The following MCF2L2 variants were observed in gnomAD, a reference collection of about 807,000 sequenced individuals.
MCF2L2 encodes MCF.2 cell line derived transforming sequence-like 2.
Under a neutral mutation model 150.2 loss-of-function variants are expected in MCF2L2, and 102 were observed. The observed-to-expected ratio is 0.68, with a 90% CI of 0.58 to 0.80. The LOEUF is 0.80. Ranked by LOEUF, MCF2L2 falls within the 30% of genes least tolerant of loss-of-function variation. MCF2L2 has a pLI of 0.00. For synonymous variants in MCF2L2, 465 were observed against 491.3 expected, an observed-to-expected ratio of 0.95 and a Z score of 0.71; for missense variants, 1,256 against 1,372.8, an observed-to-expected ratio of 0.91 and a Z score of 1.34.
At chr3:183,232,123 A>G (rs961633105) in intron 15 of MCF2L2, among the ~76,000 whole-genome samples, 20 of 152,132 alleles carry the variant, frequency 1.3e-4, no homozygotes, top group African/African-American at 4.6e-4. Context: ...ATTCAACACA[A>G]AGGAGATTCC....
chr3:183,306,877 A>C (rs1489745089), intron 10 of MCF2L2, among the ~76,000 whole-genome samples: 1 of 152,090 alleles, frequency 6.6e-6, no homozygotes, highest in Non-Finnish European at 1.5e-5. Flanking sequence ...TGGTTCCTCC[A>C]CCCTGTCCTG....
At chr3:183,324,662 A>G (rs1408691423) in intron 5 of MCF2L2, among the ~76,000 whole-genome samples, 1 of 151,984 alleles carries the variant, frequency 6.6e-6, no homozygotes, top group Non-Finnish European at 1.5e-5. Flanking sequence ...GGGCCCAGGA[A>G]TTTGAGGCTC....
At chr3:183,269,563 C>T (rs1726539490) in intron 15 of MCF2L2, 5 of 439,330 alleles carry the variant, frequency 1.1e-5, no homozygotes, top group South Asian at 1.1e-4. Flanking sequence ...GAAGGATGCC[C>T]GTGTGGAAGA....
At chr3:183,385,363 C>T (rs552546275) in intron 2 of MCF2L2, among the ~76,000 whole-genome samples, 2 of 152,254 alleles carry the variant, frequency 1.3e-5, no homozygotes, top group South Asian at 2.1e-4. Context: ...GTTGGGGCTC[C>T]GATCTCTTCC....
intron 3 of MCF2L2, chr3:183,376,968 A>G (rs1713222455): frequency 6.6e-6 from 1 of 152,198 alleles, no homozygotes; most frequent in South Asian, 2.1e-4. Flanking sequence ...TCAAAGTGAT[A>G]TTCTTGTACC....
chr3:183,245,058 A>C (rs566260915), intron 15 of MCF2L2, among the ~76,000 whole-genome samples: 3 of 152,254 alleles, frequency 2.0e-5, no homozygotes, highest in Admixed American at 6.5e-5. Context: ...GGGCTGGATT[A>C]GATAAACTTG....
At chr3:183,370,989 G>A (rs1037435056) in intron 3 of MCF2L2, among the ~76,000 whole-genome samples, 2 of 152,124 alleles carry the variant, frequency 1.3e-5, no homozygotes, top group South Asian at 2.1e-4. Context: ...ACTCGTGACT[G>A]TACACTCTGG....
At chr3:183,311,181 C>T (rs1331168964) in intron 8 of MCF2L2, 152 bp from the exon 9 acceptor site, 13 of 595,892 alleles carry the variant, frequency 2.2e-5, no homozygotes, top group Non-Finnish European at 3.9e-5. Flanking sequence ...CTATGCCTTT[C>T]TTCTGGCTCA....
At chr3:183,399,196 T>A (rs1714615914) in intron 1 of MCF2L2, among the ~76,000 whole-genome samples, 1 of 152,148 alleles carries the variant, frequency 6.6e-6, no homozygotes, top group Non-Finnish European at 1.5e-5. Flanking sequence ...AGAATATAAT[T>A]TATGCATTAT....
At chr3:183,341,685 T>C in intron 3 of MCF2L2, 55 bp from the exon 4 acceptor site, 1 of 1,241,766 alleles carries the variant, frequency 8.1e-7, no homozygotes, top group Non-Finnish European at 1.2e-6. Flanking sequence ...ATGCTCCATG[T>C]GGCTCCCACA....
At chr3:183,362,911 G>A (rs1170515578) in intron 3 of MCF2L2, among the ~76,000 whole-genome samples, 2 of 152,124 alleles carry the variant, frequency 1.3e-5, no homozygotes. Context: ...ATAAAGAAAT[G>A]TTATCTAAAA....
At chr3:183,364,766 T>C (rs1342813860) in intron 3 of MCF2L2, among the ~76,000 whole-genome samples, 4 of 152,120 alleles carry the variant, frequency 2.6e-5, no homozygotes, top group African/African-American at 9.7e-5. Context: ...CACATCCCTA[T>C]GCAAAAAAAT....
chr3:183,205,160 C>G (rs1560339988), intron 25 of MCF2L2, among the ~76,000 whole-genome samples: 1 of 152,190 alleles, frequency 6.6e-6, no homozygotes, highest in Non-Finnish European at 1.5e-5. Flanking sequence ...GCAGGCAGAT[C>G]ATAAGGTCAG....
At chr3:183,317,333 T>G (rs1294102601) in intron 7 of MCF2L2, among the ~76,000 whole-genome samples, 1 of 152,130 alleles carries the variant, frequency 6.6e-6, no homozygotes. Flanking sequence ...AAAACTGGGC[T>G]TCTGTGAAAT....
intron 1 of MCF2L2, among the ~76,000 whole-genome samples, chr3:183,415,569 A>G (rs908044891): frequency 1.3e-5 from 2 of 152,106 alleles, no homozygotes; most frequent in African/African-American, 4.8e-5. Context: ...AGGCGTTTGT[A>G]ATTATTATAT....
intron 1 of MCF2L2, among the ~76,000 whole-genome samples, chr3:183,427,035 C>T (rs1321026095): frequency 6.6e-6 from 1 of 152,200 alleles, no homozygotes; most frequent in Non-Finnish European, 1.5e-5. Flanking sequence ...TCAATAAAAG[C>T]TGATTTGCAT....
intron 3 of MCF2L2, among the ~76,000 whole-genome samples, chr3:183,361,389 G>A (rs921826279): frequency 4.6e-5 from 7 of 152,178 alleles, no homozygotes; most frequent in Non-Finnish European, 8.8e-5. Context: ...AATCCCCAAT[G>A]TTGAGAGAGG....
Position 183,197,954 on chromosome 3 carries a change from A to ACCT in MCF2L2, c.2885-2700_2885-2699insAGG, listed in dbSNP as rs1474058968. Among the ~76,000 whole-genome samples the ACCT allele has an allele frequency of 6.6e-6, 1 of 152,244 alleles. No individual in the cohort carries two copies. Among genetic ancestry groups the ACCT allele is most frequent in the Non-Finnish European group, 1.5e-5 (1 of 68,040 alleles). On this transcript the variant is annotated intron_variant, in intron 25 of 29. Transcript: ENST00000328913. This position sits in a 1 kb window ranked among gnomAD's most constrained non-coding sequence, Gnocchi z 4.5. ...TACCAAGTATTGGTGAGGACATGGC[A>ACCT]CAAGTGGAACTCTCATACATTACTA...
chr3:183,300,329 T>C (rs1266660450), intron 10 of MCF2L2, 133 bp from the exon 11 acceptor site: 151 of 799,108 alleles, frequency 1.9e-4, no homozygotes, highest in Non-Finnish European at 1.3e-4. Context: ...CTGGAGAACC[T>C]GAGAAAGCTC....
Sources: gnomAD v4.1 joint callset for allele counts (sites outside exome capture counted in the v4.1 genomes callset) on GRCh38, gnomAD v4.1.1 for gene constraint, Gnocchi (gnomAD v3.1) non-coding constraint, MANE v1.5 for transcripts, NCBI Gene and HGNC (gene_info 2026-07-23, HGNC 2026-07-21) for gene names.